Variants in CNTN4 observed in about 807,000 individuals in gnomAD.
CNTN4 encodes contactin-4.
In CNTN4, 77 loss-of-function variants were observed where a neutral mutation model predicts 122.5. The observed-to-expected ratio is 0.63, with a 90% CI of 0.52 to 0.76. The LOEUF (loss-of-function observed/expected upper bound fraction) is 0.76, where lower values mean the gene tolerates loss of function less well. Ranked by LOEUF, CNTN4 falls within the 30% of genes least tolerant of loss-of-function variation. The pLI is 0.00. For synonymous variants in CNTN4, 512 were observed against 447.0 expected (o/e 1.15, Z -1.83); for missense variants, 1,256 against 1,259.1 (o/e 1.00, Z 0.04).
At chr3:2,190,590 C>T (rs1200287373) in intron 2 of CNTN4, among the ~76,000 whole-genome samples, 3 of 151,754 alleles carry the variant, frequency 2.0e-5, no homozygotes, top group African/African-American at 4.8e-5. Flanking sequence ...TCCAGGCCAG[C>T]ATCTCAGAGC....
At chr3:2,336,484 T>C (rs1193712059) in intron 2 of CNTN4, among the ~76,000 whole-genome samples, 1 of 152,160 alleles carries the variant, frequency 6.6e-6, no homozygotes, top group Admixed American at 6.5e-5. Flanking sequence ...TATTCATTGC[T>C]CACTTATTTG....
At chr3:2,512,953 GAA>G (rs1559622887) in intron 3 of CNTN4, among the ~76,000 whole-genome samples, 1 of 152,156 alleles carries the variant, frequency 6.6e-6, no homozygotes, top group African/African-American at 2.4e-5. Flanking sequence ...GCAAGAGAGA[GAA>G]GACTCAAAAT....
chr3:2,676,179 A>C (rs2084832750), intron 4 of CNTN4, among the ~76,000 whole-genome samples: 1 of 152,058 alleles, frequency 6.6e-6, no homozygotes, highest in Non-Finnish European at 1.5e-5. Context: ...CTGAACACCA[A>C]ACATCCAGTG....
chr3:2,194,777 A>T (rs2037757016), intron 2 of CNTN4, among the ~76,000 whole-genome samples: 1 of 152,150 alleles, frequency 6.6e-6, no homozygotes, highest in Admixed American at 6.6e-5. Flanking sequence ...CAAGCCAAGG[A>T]ATGCCAAAGT....
Position 2,142,049 on chromosome 3 carries a change from C to T in CNTN4, c.-145+41410C>T, listed in dbSNP as rs141278100. On this transcript the variant is annotated intron_variant, in intron 2 of 24. Transcript: ENST00000418658. ...TGCATCTCACATTCATTTTTTGACA[C>T]GTTAATGATTTCTGTCGTAGGCATA... is the stretch of plus-strand genomic sequence containing the variant. 2.5e-3 allele frequency among the ~76,000 whole-genome samples: 376 copies of T among 152,244 alleles called. 1 individual carries two copies. Among genetic ancestry groups the T allele is most frequent in the African/African-American group, 8.3e-3 (346 of 41,548 alleles).
chr3:2,718,051 T>G (rs1174062021), intron 4 of CNTN4, among the ~76,000 whole-genome samples: 3 of 152,188 alleles, frequency 2.0e-5, no homozygotes, highest in Non-Finnish European at 4.4e-5. Flanking sequence ...TTTTCATATG[T>G]TGAATACTAG....
intron 2 of CNTN4, among the ~76,000 whole-genome samples, chr3:2,267,129 A>G (rs536504409): frequency 6.6e-6 from 1 of 152,156 alleles, no homozygotes; most frequent in South Asian, 2.1e-4. Context: ...GATAGCATTC[A>G]CCTCCTTTCC....
chr3:2,591,566 G>GT (rs2080489429), intron 4 of CNTN4, among the ~76,000 whole-genome samples: 1 of 53,960 alleles, frequency 1.9e-5, no homozygotes, highest in Non-Finnish European at 4.6e-5. Context: ...GGGTTTCACC[G>GT]TTTTAGCCAG....
intron 6 of CNTN4, among the ~76,000 whole-genome samples, chr3:2,800,079 CTTT>C (rs11449693): frequency 2.2e-5 from 3 of 136,484 alleles, no homozygotes; most frequent in Non-Finnish European, 3.1e-5. Flanking sequence ...ATGCCATCTA[CTTT>C]TTTTTTTTTT....
chr3:2,209,682 T>C (rs1365834071), intron 2 of CNTN4, among the ~76,000 whole-genome samples: 1 of 152,132 alleles, frequency 6.6e-6, no homozygotes, highest in Non-Finnish European at 1.5e-5. Flanking sequence ...TATGTTTTAT[T>C]CAGGGTCCAA....
At chr3:2,352,448 T>G (rs1200373269) in intron 3 of CNTN4, among the ~76,000 whole-genome samples, 1 of 152,052 alleles carries the variant, frequency 6.6e-6, no homozygotes, top group East Asian at 1.9e-4. Flanking sequence ...CAGCTGGAGT[T>G]CCGGGTAGGT....
intron 4 of CNTN4, among the ~76,000 whole-genome samples, chr3:2,718,708 C>T (rs1033280779): frequency 2.6e-5 from 4 of 152,112 alleles, no homozygotes; most frequent in African/African-American, 9.7e-5. Flanking sequence ...AACTTTCTTT[C>T]ATTTTCACAT....
intron 5 of CNTN4, among the ~76,000 whole-genome samples, chr3:2,744,099 G>A (rs1443081800): frequency 6.6e-6 from 1 of 152,184 alleles, no homozygotes; most frequent in Non-Finnish European, 1.5e-5. Flanking sequence ...ACAGGCGTGA[G>A]CCACCGTGCT....
At chr3:3,026,442 A>G (rs1698725492) in intron 15 of CNTN4, among the ~76,000 whole-genome samples, 165 bp downstream of exon 15, 1 of 152,192 alleles carries the variant, frequency 6.6e-6, no homozygotes, top group African/African-American at 2.4e-5. Flanking sequence ...CACTCATTGA[A>G]CAACTCTATA....
At chr3:2,291,192 A>C (rs900276510) in intron 2 of CNTN4, among the ~76,000 whole-genome samples, 1 of 152,098 alleles carries the variant, frequency 6.6e-6, no homozygotes, top group Non-Finnish European at 1.5e-5. Context: ...CTTCCAGCCT[A>C]CCTAACTACA....
At chr3:2,894,336 A>G (rs1297038253) in intron 10 of CNTN4, among the ~76,000 whole-genome samples, 1 of 152,212 alleles carries the variant, frequency 6.6e-6, no homozygotes, top group Non-Finnish European at 1.5e-5. Flanking sequence ...GATACATTCA[A>G]AAGAATGCTA....
intron 15 of CNTN4, among the ~76,000 whole-genome samples, chr3:3,027,001 C>T (rs942706682): frequency 6.6e-6 from 1 of 152,064 alleles, no homozygotes; most frequent in South Asian, 2.1e-4. Context: ...ATGATGGAGT[C>T]CAGCCAAAAC....
intron 4 of CNTN4, among the ~76,000 whole-genome samples, chr3:2,598,655 G>A (rs1442053597): frequency 2.0e-5 from 3 of 152,150 alleles, no homozygotes; most frequent in Admixed American, 6.5e-5. Context: ...GGAAACTTAT[G>A]TAGCCGTAAT....
intron 2 of CNTN4, among the ~76,000 whole-genome samples, chr3:2,113,461 A>T (rs1300873099): frequency 6.6e-6 from 1 of 152,232 alleles, no homozygotes; most frequent in Admixed American, 6.5e-5. Flanking sequence ...CCTCACGCAG[A>T]TGCACTGTAT....
Sources: allele counts gnomAD v4.1 joint callset (sites outside exome capture counted in the v4.1 genomes callset), GRCh38; gene constraint gnomAD v4.1.1; transcripts MANE v1.5; gene names NCBI Gene and HGNC (gene_info 2026-07-23, HGNC 2026-07-21).